SCYL2: variants seen among roughly 807,000 people sequenced by gnomAD.
SCYL2 encodes SCY1 like pseudokinase 2, also known as SCY1-like protein 2.
A neutral mutation model predicts 100.4 loss-of-function variants in SCYL2; 36 were observed. The observed-to-expected ratio is 0.36, with a 90% CI of 0.27 to 0.47. The LOEUF (loss-of-function observed/expected upper bound fraction) is 0.47. SCYL2 is among the 20% of genes least tolerant of loss of function. The probability of loss-of-function intolerance (pLI) is 1.00; values close to 1 mark genes in which losing one functional copy is unlikely to be tolerated. For missense variants in SCYL2, 902 were observed against 1,083.9 expected (o/e 0.83, Z 2.36); for synonymous variants, 330 against 359.2 (o/e 0.92, Z 0.92).
rs2096350845 is a variant in SCYL2, at chr12:100,317,871, C to G, written c.1341C>G (p.Asn447Lys). The G allele has an allele frequency of 6.2e-7, 1 of 1,608,368 alleles. No homozygotes were observed. The highest frequency in any genetic ancestry group is 1.3e-5 in the African/African-American group (1 of 74,808). ...LTKTPPDEIK[N>K]SVLPMVYRAL... ...AAACCCCTCCTGATGAGATAAAGAA[C>G]AGTGTTCTACCCATGGTTTACAGAG... Residue 447 changes from asparagine (N) to lysine (K), a missense_variant, in exon 10 of 18, where the codon AAC becomes AAG. Transcript: ENST00000360820.
At chr12:100,318,075 A>G (rs750699206) in intron 10 of SCYL2, 150 bp downstream of exon 10, 34 of 683,936 alleles carry the variant, frequency 5.0e-5, no homozygotes, top group Non-Finnish European at 6.7e-5. Flanking sequence ...GATATACTGT[A>G]ACTAAAATAT....
rs777193164 is a variant in SCYL2 at position 100,334,178 on chromosome 12, A to T, written c.1774A>T (p.Ile592Phe). 1.3e-6 allele frequency: 2 copies of T among 1,592,808 alleles called. No homozygotes were observed. The highest frequency in any genetic ancestry group is 1.7e-6 in the Non-Finnish European group (2 of 1,164,386). ...NLNLNQFNSF[I>F]SVIKEMLNRL... ...CTCATTATACCAGTTCAATTCTTTC[A>T]TTTCCGTCATAAAAGAAATGCTTAA... is the stretch of plus-strand genomic sequence containing the variant. Residue 592 changes from isoleucine (I) to phenylalanine (F), a missense_variant, in exon 14 of 18, where the codon ATT becomes TTT. Transcript: ENST00000360820.
chr12:100,338,849 C>T lies in SCYL2; in HGVS notation c.2467C>T (p.Pro823Ser). ...GCCAAACTTCAATGCTTTGAGTGTT[C>T]CTCCTGCTGGTGCAAAGCAGACCCA... The part of the protein sequence containing the change: ...TLPNFNALSV[P>S]PAGAKQTQQR... Residue 823 changes from proline (P) to serine (S), a missense_variant, in exon 18 of 18, where the codon CCT (proline) becomes TCT (serine). Coordinates refer to ENST00000360820, the MANE Select transcript of SCYL2 (RefSeq NM_017988.6). The T allele has an allele frequency of 6.2e-7, 1 of 1,614,162 alleles. No individual in the cohort carries two copies. Among genetic ancestry groups the T allele is most frequent in the Non-Finnish European group, 8.5e-7 (1 of 1,179,988 alleles).
At chr12:100,323,499 A>G in intron 10 of SCYL2, 26 bp from the exon 11 acceptor site, 2 of 1,298,020 alleles carry the variant, frequency 1.5e-6, no homozygotes, top group Non-Finnish European at 2.2e-6. Context: ...TTTCCCTAAT[A>G]TTGATTCAGT....
rs933005886 is a variant in SCYL2 at position 100,341,537 on chromosome 12, GTTTTTA to G, written c.*2370_*2375del. The G allele has an allele frequency of 2.0e-5, 3 of 152,084 alleles. No homozygotes were observed. Among genetic ancestry groups the G allele is most frequent in the Admixed American group, 6.5e-5 (1 of 15,274 alleles). 9.4% of individuals were successfully genotyped at this position (152,084 alleles called of 1,614,324 possible). ...CTATGTACTTGTCTGGTTTTTGTTT[GTTTTTA>G]TTTTGGAATGCTTATAAGCCTCCTT... On this transcript the variant is annotated 3_prime_UTR_variant, in exon 18 of 18. Coordinates refer to ENST00000360820, the MANE Select transcript of SCYL2 (RefSeq NM_017988.6).
chr12:100,271,491 T>G (rs1318504018), intron 1 of SCYL2, among the ~76,000 whole-genome samples: 2 of 152,168 alleles, frequency 1.3e-5, no homozygotes, highest in African/African-American at 2.4e-5. Flanking sequence ...TAAATGGTAT[T>G]CTCTTATTTT....
chr12:100,271,074 G>C (rs1423614008), intron 1 of SCYL2, among the ~76,000 whole-genome samples: 2 of 151,884 alleles, frequency 1.3e-5, no homozygotes, highest in African/African-American at 4.8e-5. Context: ...TTTAATCTTT[G>C]TTCTGTATAA....
At chr12:100,273,998 G>C (rs1003758004) in intron 1 of SCYL2, among the ~76,000 whole-genome samples, 2 of 152,184 alleles carry the variant, frequency 1.3e-5, no homozygotes, top group African/African-American at 4.8e-5. Flanking sequence ...ATCAACAGCA[G>C]ATGTTCATAG....
Position 100,339,279 on chromosome 12 carries a change from A to G in SCYL2, c.*107A>G. On this transcript the variant is annotated 3_prime_UTR_variant, in exon 18 of 18. Transcript: ENST00000360820. The stretch of plus-strand genomic sequence containing the variant: ...AGGAAGTACTTCTATGGGAAAGTGA[A>G]CAGTTCTGTGACAGGAAACATCTCT... The G allele has an allele frequency of 1.8e-6, 2 of 1,085,028 alleles. No individual in the cohort carries two copies. The highest frequency in any genetic ancestry group is 2.6e-6 in the Non-Finnish European group (2 of 755,500). 67.2% of individuals were successfully genotyped at this position (1,085,028 alleles called of 1,614,324 possible).
chr12:100,285,600 T>A (rs1263967664), intron 2 of SCYL2, among the ~76,000 whole-genome samples: 2 of 152,202 alleles, frequency 1.3e-5, no homozygotes, highest in African/African-American at 4.8e-5. Context: ...GGTGGAGGGT[T>A]TATCTAATTT....
intron 3 of SCYL2, among the ~76,000 whole-genome samples, chr12:100,296,305 A>G (rs1224154677): frequency 2.0e-5 from 3 of 152,210 alleles, no homozygotes; most frequent in African/African-American, 7.2e-5. Flanking sequence ...GAATTACCCA[A>G]AGGAAATGCA....
chr12:100,305,357 A>G (rs1416470425), intron 4 of SCYL2, among the ~76,000 whole-genome samples: 1 of 152,240 alleles, frequency 6.6e-6, no homozygotes, highest in Non-Finnish European at 1.5e-5. Context: ...AACTCACTCA[A>G]AACCACACAA....
chr12:100,337,268 A>G (rs987268870), intron 16 of SCYL2, 119 bp from the exon 17 acceptor site: 2 of 1,243,688 alleles, frequency 1.6e-6, no homozygotes. Context: ...TCACCAAGAC[A>G]AGAGTAGTTT....
rs772589834 is a variant in SCYL2, at chr12:100,334,203, A to G, written c.1799A>G (p.Asn600Ser). The G allele has an allele frequency of 1.9e-5, 31 of 1,604,950 alleles. No homozygotes were observed. Among genetic ancestry groups the G allele is most frequent in the Non-Finnish European group, 2.6e-5 (30 of 1,174,968 alleles). ...SFISVIKEML[N>S]RLESEHKTKL... ...ATTTCCGTCATAAAAGAAATGCTTA[A>G]TAGATTGGAGTCTGAACATAAGACT... is the stretch of plus-strand genomic sequence containing the variant. The change falls in exon 14 of 18, where the codon AAT (asparagine) becomes AGT (serine). Residue 600 changes from asparagine (N) to serine (S), a missense_variant. Coordinates refer to ENST00000360820, the MANE Select transcript of SCYL2 (RefSeq NM_017988.6).
intron 3 of SCYL2, among the ~76,000 whole-genome samples, chr12:100,295,406 C>T (rs1463397360): frequency 6.6e-6 from 1 of 152,212 alleles, no homozygotes; most frequent in Non-Finnish European, 1.5e-5. Flanking sequence ...AGCCGGGGCA[C>T]CATTGAGCAC....
chr12:100,272,651 G>A (rs1304229676), intron 1 of SCYL2, among the ~76,000 whole-genome samples: 1 of 152,068 alleles, frequency 6.6e-6, no homozygotes, highest in Non-Finnish European at 1.5e-5. Context: ...TAAAACAACT[G>A]GCTTCTATAT....
intron 4 of SCYL2, among the ~76,000 whole-genome samples, chr12:100,307,880 T>G (rs1472725826): frequency 6.6e-6 from 1 of 151,986 alleles, no homozygotes; most frequent in East Asian, 1.9e-4. Context: ...AACAAACATA[T>G]GAAAAAAAGC....
At position 100,304,845 on chromosome 12, in the gene SCYL2, G is replaced by A. The variant is rs191995717; in HGVS notation, c.481-6199G>A. ...ATGGAAAGCAAAAAAAAAAGCGGGGGTTGCAGTCCTAGCCTCTGATATAAC... is the reference window on the plus strand; with the variant it reads ...ATGGAAAGCAAAAAAAAAAGCGGGGATTGCAGTCCTAGCCTCTGATATAAC... On this transcript the variant is annotated intron_variant, in intron 4 of 17. Transcript: ENST00000360820. Among the ~76,000 whole-genome samples the A allele has an allele frequency of 2.4e-4, 37 of 152,134 alleles. No individual in the cohort carries two copies. In the East Asian group the frequency reaches 7.2e-3, roughly 29 times the overall value.
rs1396146999 is a variant in SCYL2 at position 100,291,565 on chromosome 12, T to C, written c.240T>C (p.Asp80=). Residue 80 remains aspartate, a synonymous_variant, in exon 3 of 18, where the codon GAT becomes GAC. Coordinates refer to ENST00000360820, the MANE Select transcript of SCYL2 (RefSeq NM_017988.6). ...ACAAGTATCAAAAATTTGAAAAGGA[T>C]CAAATCATTGATTCTCTAAAACGAG... ...LIDKYQKFEK[D]QIIDSLKRGV... The C allele has an allele frequency of 1.9e-6, 3 of 1,595,450 alleles. No homozygotes were observed. In the South Asian group the frequency reaches 3.6e-5, roughly 19 times the overall value.
Sources: gnomAD v4.1 joint callset for allele counts (sites outside exome capture counted in the v4.1 genomes callset) on GRCh38, gnomAD v4.1.1 for gene constraint, MANE v1.5 for transcripts, NCBI Gene and HGNC (gene_info 2026-07-23, HGNC 2026-07-21) for gene names.